The following CTNNA3 variants were observed in gnomAD, a reference collection of about 807,000 sequenced individuals.
CTNNA3 encodes the protein catenin alpha 3.
In CTNNA3, 76 loss-of-function variants were observed where a neutral mutation model predicts 95.7. The ratio of observed to expected loss-of-function variants is 0.79; its 90% CI spans 0.66 to 0.96. The LOEUF (loss-of-function observed/expected upper bound fraction) is 0.96, where lower values mean the gene tolerates loss of function less well. Ranked by LOEUF, CTNNA3 falls within the 40% of genes least tolerant of loss-of-function variation. The probability of loss-of-function intolerance (pLI) is 0.00; values close to 1 mark genes in which losing one functional copy is unlikely to be tolerated. For missense variants in CTNNA3, 1,191 were observed against 1,089.8 expected, an observed-to-expected ratio of 1.09 and a Z score of -1.31; for synonymous variants, 431 against 374.4, an observed-to-expected ratio of 1.15 and a Z score of -1.74.
chr10:67,737,798 C>T (rs568236288), intron 1 of CTNNA3, among the ~76,000 whole-genome samples: 1 of 152,344 alleles, frequency 6.6e-6, no homozygotes, highest in East Asian at 1.9e-4. Context: ...CACTTTTACA[C>T]TGTTGGTGGG....
intron 13 of CTNNA3, among the ~76,000 whole-genome samples, chr10:66,279,382 T>C (rs2132155387): frequency 6.6e-6 from 1 of 152,080 alleles, no homozygotes; most frequent in African/African-American, 2.4e-5. Context: ...TACTTAAAAA[T>C]TATATTCACC....
At chr10:66,075,985 AT>A (rs1337058801) in intron 14 of CTNNA3, among the ~76,000 whole-genome samples, 7 of 151,662 alleles carry the variant, frequency 4.6e-5, no homozygotes, top group African/African-American at 9.7e-5. Flanking sequence ...CACAATTATG[AT>A]TTTTTTAATT....
intron 7 of CTNNA3, among the ~76,000 whole-genome samples, chr10:66,902,201 C>G (rs1845780486): frequency 6.6e-6 from 1 of 152,176 alleles, no homozygotes; most frequent in South Asian, 2.1e-4. Context: ...ACAGTGCAAT[C>G]AAATTAGAAC....
intron 5 of CTNNA3, among the ~76,000 whole-genome samples, chr10:67,488,889 T>TC (rs1848551030): frequency 1.3e-5 from 2 of 152,038 alleles, no homozygotes; most frequent in South Asian, 4.2e-4. Context: ...AGGCTGGTCA[T>TC]CGCATCTGGC....
intron 7 of CTNNA3, among the ~76,000 whole-genome samples, chr10:66,846,767 A>G (rs117155095): frequency 1.3e-5 from 2 of 152,154 alleles, no homozygotes; most frequent in Non-Finnish European, 2.9e-5. Flanking sequence ...GTCAGTCTCA[A>G]ATCAGGTCAT....
At chr10:66,715,687 T>C (rs1016950191) in intron 9 of CTNNA3, among the ~76,000 whole-genome samples, 2 of 152,250 alleles carry the variant, frequency 1.3e-5, no homozygotes, top group East Asian at 3.9e-4. Flanking sequence ...CTTGATGAGA[T>C]AGCAATGTTT....
chr10:67,338,001 G>A (rs1842055402), intron 5 of CTNNA3, among the ~76,000 whole-genome samples: 1 of 152,072 alleles, frequency 6.6e-6, no homozygotes, highest in African/African-American at 2.4e-5. Context: ...TATCTCCAAG[G>A]TATGCCTCTA....
chr10:66,343,504 C>T (rs2092473992), intron 12 of CTNNA3, among the ~76,000 whole-genome samples: 2 of 151,322 alleles, frequency 1.3e-5, no homozygotes, highest in African/African-American at 2.4e-5. Context: ...CTTTCTTACT[C>T]AAATGTGGAA....
intron 5 of CTNNA3, among the ~76,000 whole-genome samples, chr10:67,443,319 G>A (rs1221014712): frequency 1.4e-5 from 2 of 146,372 alleles, no homozygotes; most frequent in African/African-American, 5.0e-5. Context: ...CCAGTAATGG[G>A]ATGGCTGGGT....
At chr10:67,154,640 C>T (rs995497785) in intron 7 of CTNNA3, among the ~76,000 whole-genome samples, 1 of 152,186 alleles carries the variant, frequency 6.6e-6, no homozygotes, top group Non-Finnish European at 1.5e-5. Flanking sequence ...TACAAACCCG[C>T]TACACGGCTT....
intron 11 of CTNNA3, among the ~76,000 whole-genome samples, chr10:66,475,668 G>A (rs10997159): frequency 0.062 from 9,461 of 151,994 alleles, 606 homozygotes; most frequent in African/African-American, 0.16. Flanking sequence ...ATGAGATATC[G>A]TCTCACGCCA....
intron 1 of CTNNA3, among the ~76,000 whole-genome samples, chr10:67,762,946 G>A (rs1410642930): frequency 6.6e-6 from 1 of 152,120 alleles, no homozygotes; most frequent in African/African-American, 2.4e-5. Context: ...AGAGTTGTAA[G>A]CCCTTAAGTG....
intron 12 of CTNNA3, among the ~76,000 whole-genome samples, chr10:66,369,374 C>T (rs2092736128): frequency 6.6e-6 from 1 of 152,148 alleles, no homozygotes; most frequent in Non-Finnish European, 1.5e-5. Context: ...TAACTGGACA[C>T]CTGATCGATG....
chr10:66,299,146 C>T (rs1039594004), intron 12 of CTNNA3, among the ~76,000 whole-genome samples: 1 of 152,158 alleles, frequency 6.6e-6, no homozygotes, highest in East Asian at 1.9e-4. Flanking sequence ...AACCAATGTT[C>T]ATCTTACACA....
At chr10:66,952,076 T>C (rs1848565119) in intron 7 of CTNNA3, among the ~76,000 whole-genome samples, 1 of 152,156 alleles carries the variant, frequency 6.6e-6, no homozygotes, top group Non-Finnish European at 1.5e-5. Context: ...CAAGTCAATA[T>C]TTTCCAGCAT....
intron 10 of CTNNA3, among the ~76,000 whole-genome samples, chr10:66,534,827 AT>A (rs1841596338): frequency 6.6e-6 from 1 of 151,592 alleles, no homozygotes; most frequent in South Asian, 2.1e-4. Flanking sequence ...TAAATTATTT[AT>A]TTTCTAAAGT....
In CTNNA3 at chr10:66,319,463, G is replaced by A. The variant is rs74141441; in HGVS notation, c.1733-38842C>T. ...GTAGAAGTCCTTGGGTAGAAATGCAGAGAAAAGCTCTTCATATAAGATAGG... is the reference window on the plus strand; with the variant it reads ...GTAGAAGTCCTTGGGTAGAAATGCAAAGAAAAGCTCTTCATATAAGATAGG... On this transcript the variant is annotated intron_variant, in intron 12 of 17. Coordinates refer to ENST00000433211, the MANE Select transcript of CTNNA3 (RefSeq NM_013266.4). Among the ~76,000 whole-genome samples the A allele has an allele frequency of 2.9e-3, 441 of 152,208 alleles. 3 individuals carry two copies. Among genetic ancestry groups the A allele is most frequent in the African/African-American group, 9.8e-3 (409 of 41,544 alleles).
intron 7 of CTNNA3, among the ~76,000 whole-genome samples, chr10:66,825,553 T>C (rs1030432501): frequency 6.6e-6 from 1 of 152,062 alleles, no homozygotes; most frequent in Non-Finnish European, 1.5e-5. Flanking sequence ...GCTGAGACTA[T>C]AGGCATGAAC....
intron 11 of CTNNA3, among the ~76,000 whole-genome samples, chr10:66,432,355 T>C (rs184079855): frequency 1.4e-4 from 22 of 152,264 alleles, no homozygotes; most frequent in African/African-American, 5.3e-4. Context: ...AAAATTATTA[T>C]TATACTTTAA....
Sources: allele counts gnomAD v4.1 joint callset (sites outside exome capture counted in the v4.1 genomes callset), GRCh38; gene constraint gnomAD v4.1.1; transcripts MANE v1.5; gene names NCBI Gene and HGNC (gene_info 2026-07-23, HGNC 2026-07-21).